The following SUMO2 variants were observed in gnomAD, a reference collection of about 807,000 sequenced individuals.
The protein encoded by SUMO2 is small ubiquitin-related modifier 2.
SUMO2 carries 1 observed loss-of-function variant against 16.0 expected under a neutral mutation model. The observed-to-expected ratio is 0.06, with a 90% CI of 0.02 to 0.30. The LOEUF is 0.30. Ranked by LOEUF, SUMO2 falls within the 10% of genes least tolerant of loss-of-function variation. The pLI is 1.00. For missense variants in SUMO2, 16 were observed against 117.5 expected, an observed-to-expected ratio of 0.14 and a Z score of 3.99; for synonymous variants, 36 against 40.6, an observed-to-expected ratio of 0.89 and a Z score of 0.43.
chr17:75,174,657 A>G lies in SUMO2; in HGVS notation c.225+95T>C. The G allele has an allele frequency of 3.4e-6, 4 of 1,171,660 alleles. No homozygotes were observed. In the South Asian group the frequency reaches 5.6e-5, roughly 16 times the overall value. The allele number at this position is 1,171,660 out of a possible 1,614,324, so 72.6% of individuals were successfully genotyped here. A position where few individuals can be genotyped will look rare whatever the true frequency, so the allele number is the denominator to read the frequency against. ...TCCCAAAGCTCTGAACTCTACAAGA[A>G]CTTATACTCCAGTGTCTAAACGTTC... is the stretch of plus-strand genomic sequence containing the variant. On this transcript the variant is annotated intron_variant, in intron 3 of 3. Coordinates refer to ENST00000420826, the MANE Select transcript of SUMO2 (RefSeq NM_006937.4).
rs186390697 is a variant in SUMO2, at chr17:75,178,990, A to G, written c.153+2067T>C. Among the ~76,000 whole-genome samples the G allele has an allele frequency of 4.3e-3, 659 of 152,244 alleles. 3 individuals carry two copies. The highest frequency in any genetic ancestry group is 6.6e-3 in the Non-Finnish European group (449 of 68,014). On this transcript the variant is annotated intron_variant, in intron 2 of 3. Transcript: ENST00000420826. ...CAAAAAAACCAGATGAGGTCTTACT[A>G]TGTTGTCCAGACTGGTCTTCCAGCC... is the stretch of plus-strand genomic sequence containing the variant.
chr17:75,172,844 C>T lies in SUMO2; in HGVS notation c.225+1908G>A, dbSNP rs372657036. 1.6e-4 allele frequency among the ~76,000 whole-genome samples: 24 copies of T among 152,196 alleles called. 1 individual carries two copies. The highest frequency in any genetic ancestry group is 1.9e-4 in the African/African-American group (8 of 41,536). ...CCATATTGTCCAGGCTGGTCTCAAA[C>T]TCCTGACCTCAAGCAATCTGCCTGC... On this transcript the variant is annotated intron_variant, in intron 3 of 3. Coordinates refer to ENST00000420826, the MANE Select transcript of SUMO2 (RefSeq NM_006937.4).
At chr17:75,174,488 G>A (rs1417768242) in intron 3 of SUMO2, among the ~76,000 whole-genome samples, 2 of 152,038 alleles carry the variant, frequency 1.3e-5, no homozygotes, top group Non-Finnish European at 2.9e-5. Context: ...GCTATAATGA[G>A]GCCACTACAC....
chr17:75,181,325 C>G (rs567635561), intron 1 of SUMO2, 137 bp from the exon 2 acceptor site: 3 of 862,984 alleles, frequency 3.5e-6, no homozygotes, highest in East Asian at 5.3e-5. Flanking sequence ...CTGCTGTTTT[C>G]AGCTGCTGAA....
intron 2 of SUMO2, among the ~76,000 whole-genome samples, chr17:75,176,570 C>A (rs796254179): frequency 5.3e-5 from 8 of 152,028 alleles, no homozygotes; most frequent in African/African-American, 1.9e-4. Context: ...GAGCCAAGAT[C>A]GTGCCCTAGC....
chr17:75,173,911 G>A (rs1350757744), intron 3 of SUMO2, among the ~76,000 whole-genome samples: 1 of 152,090 alleles, frequency 6.6e-6, no homozygotes, highest in Non-Finnish European at 1.5e-5. Flanking sequence ...AAAATGAAGT[G>A]GTACATAAAG....
Position 75,166,926 on chromosome 17 carries a change from G to A in SUMO2, c.*1413C>T, listed in dbSNP as rs2074697487. The A allele has an allele frequency of 6.6e-6, 1 of 151,832 alleles. No homozygotes were observed. The allele number at this position is 151,832 out of a possible 1,614,324, so 9.4% of individuals were successfully genotyped here. On this transcript the variant is annotated 3_prime_UTR_variant, in exon 4 of 4. Coordinates refer to ENST00000420826, the MANE Select transcript of SUMO2 (RefSeq NM_006937.4). ...CCATCTCAAAAAACCACCACCAAAA[G>A]AAACCCTAAGAAACAAAAATTAAAA...
chr17:75,173,707 A>G (rs1304423288), intron 3 of SUMO2, among the ~76,000 whole-genome samples: 3 of 151,888 alleles, frequency 2.0e-5, no homozygotes, highest in Admixed American at 2.0e-4. Flanking sequence ...GAAATCCTGG[A>G]CTCAAGTGCT....
chr17:75,175,815 TAG>T (rs1198475526), intron 2 of SUMO2, among the ~76,000 whole-genome samples: 1 of 151,818 alleles, frequency 6.6e-6, no homozygotes, highest in Admixed American at 6.6e-5. Context: ...GTGTTTTTAG[TAG>T]AGACAGGGTT....
chr17:75,174,222 C>T (rs1270261352), intron 3 of SUMO2, among the ~76,000 whole-genome samples: 1 of 151,528 alleles, frequency 6.6e-6, no homozygotes, highest in Non-Finnish European at 1.5e-5. Context: ...AAACCCCATC[C>T]CTACCAAAAA....
At chr17:75,169,281 G>A (rs546789387) in intron 3 of SUMO2, among the ~76,000 whole-genome samples, 1 of 152,170 alleles carries the variant, frequency 6.6e-6, no homozygotes, top group East Asian at 1.9e-4. Context: ...GCTCACTCCT[G>A]TAATCTCAAC....
chr17:75,176,790 CTGTT>C (rs1424109644), intron 2 of SUMO2, among the ~76,000 whole-genome samples: 6 of 152,288 alleles, frequency 3.9e-5, no homozygotes, highest in African/African-American at 1.2e-4. Flanking sequence ...GGAACCTAGA[CTGTT>C]TTAGTTACAC....
At chr17:75,173,351 G>A (rs2074756693) in intron 3 of SUMO2, among the ~76,000 whole-genome samples, 1 of 152,014 alleles carries the variant, frequency 6.6e-6, no homozygotes, top group Non-Finnish European at 1.5e-5. Flanking sequence ...GTAGAGACCA[G>A]GTCTTGCTAT....
At position 75,172,512 on chromosome 17, in the gene SUMO2, C is replaced by T. The variant is rs761211918; in HGVS notation, c.225+2240G>A. On this transcript the variant is annotated intron_variant, in intron 3 of 3. Coordinates refer to ENST00000420826, the MANE Select transcript of SUMO2 (RefSeq NM_006937.4). ...ATTTTTTTTTTTTTTTTTTGAGTTT[C>T]GCTCGTTACCCATGCTCGAGTGCAA... Among the ~76,000 whole-genome samples, 227 of 140,326 alleles carry T rather than the reference C, an allele frequency of 1.6e-3. 1 individual carries two copies. The highest frequency in any genetic ancestry group is 5.6e-3 in the African/African-American group (215 of 38,068). The allele number at this position is 140,326 out of a possible 152,430, so 92.1% of individuals were successfully genotyped here. A position where few individuals can be genotyped will look rare whatever the true frequency, so the allele number is the denominator to read the frequency against.
intron 2 of SUMO2, among the ~76,000 whole-genome samples, chr17:75,180,802 TA>T (rs201786825): frequency 2.9e-4 from 44 of 151,718 alleles, no homozygotes; most frequent in Non-Finnish European, 1.0e-4. Flanking sequence ...ATTTCCTTGG[TA>T]AAAAAAAATT....
chr17:75,168,491 A>G (rs189730668), intron 3 of SUMO2, 90 bp from the exon 4 acceptor site: 3 of 1,081,892 alleles, frequency 2.8e-6, no homozygotes, highest in Non-Finnish European at 4.0e-6. Flanking sequence ...AAACATGTAC[A>G]TGTTCCACTA....
At chr17:75,170,919 G>A (rs373978125) in intron 3 of SUMO2, among the ~76,000 whole-genome samples, 3 of 150,342 alleles carry the variant, frequency 2.0e-5, no homozygotes, top group African/African-American at 7.3e-5. Context: ...CCATATAGCC[G>A]TTAAAAAATA....
At chr17:75,182,639 A>C in intron 1 of SUMO2, 175 bp downstream of exon 1, 7 of 379,416 alleles carry the variant, frequency 1.8e-5, no homozygotes, top group Admixed American at 5.1e-5. Context: ...TCGGCGCGGG[A>C]GGGAGGAAGA....
In SUMO2 at chr17:75,174,740, A is replaced by G; in HGVS notation, c.225+12T>C. The stretch of plus-strand genomic sequence containing the variant: ...AAATGGTAATTTTTCTAATTAGGAG[A>G]GATTTTTTTACCTGTGCAGGTGTGT... On this transcript the variant is annotated intron_variant, in intron 3 of 3. Coordinates refer to ENST00000420826, the MANE Select transcript of SUMO2 (RefSeq NM_006937.4). 1.2e-6 allele frequency: 2 copies of G among 1,609,306 alleles called. No individual in the cohort carries two copies. The highest frequency in any genetic ancestry group is 1.7e-6 in the Non-Finnish European group (2 of 1,178,540).
Sources: allele counts gnomAD v4.1 joint callset (sites outside exome capture counted in the v4.1 genomes callset), GRCh38; gene constraint gnomAD v4.1.1; transcripts MANE v1.5; gene names NCBI Gene and HGNC (gene_info 2026-07-23, HGNC 2026-07-21).